CHRM3: variants seen among roughly 807,000 people sequenced by gnomAD.
CHRM3 encodes cholinergic receptor muscarinic 3.
Under a neutral mutation model 41.8 loss-of-function variants are expected in CHRM3, and 11 were observed. The observed-to-expected ratio is 0.26, with a 90% CI of 0.17 to 0.44. CHRM3 has a LOEUF of 0.44. CHRM3 is among the 20% of genes least tolerant of loss of function. The pLI is 1.00. For synonymous variants in CHRM3, 297 were observed against 301.4 expected, an observed-to-expected ratio of 0.99 and a Z score of 0.15; for missense variants, 571 against 745.4, an observed-to-expected ratio of 0.77 and a Z score of 2.72.
chr1:239,477,964 G>A (rs546254347), intron 1 of CHRM3, among the ~76,000 whole-genome samples: 1 of 152,282 alleles, frequency 6.6e-6, no homozygotes, highest in African/African-American at 2.4e-5. Flanking sequence ...ATTGAAGCTG[G>A]GGTAGTACTG....
intron 3 of CHRM3, among the ~76,000 whole-genome samples, chr1:239,622,309 C>T (rs1341218582): frequency 1.3e-5 from 2 of 152,206 alleles, no homozygotes; most frequent in African/African-American, 4.8e-5. Flanking sequence ...AATCAAGGAG[C>T]AATTTTGGCT....
At chr1:239,835,964 C>A (rs954829980) in intron 6 of CHRM3, among the ~76,000 whole-genome samples, 1 of 152,224 alleles carries the variant, frequency 6.6e-6, no homozygotes, top group African/African-American at 2.4e-5. Context: ...CATGTCCTTG[C>A]CGCTTCTTTT....
intron 2 of CHRM3, among the ~76,000 whole-genome samples, chr1:239,529,529 T>G: frequency 6.7e-6 from 1 of 149,474 alleles, no homozygotes; most frequent in East Asian, 2.0e-4. Flanking sequence ...AGAGAATCAC[T>G]TGAACCCAGG....
chr1:239,869,463 T>C (rs58274848), intron 6 of CHRM3, among the ~76,000 whole-genome samples: 7,014 of 152,194 alleles, frequency 0.046, 580 homozygotes, highest in African/African-American at 0.16. Flanking sequence ...ACATTGAATT[T>C]GTTCACCCTG....
At chr1:239,408,189 A>C (rs1467972600) in intron 1 of CHRM3, 2 of 152,146 alleles carry the variant, frequency 1.3e-5, no homozygotes, top group Non-Finnish European at 1.5e-5. Flanking sequence ...TTCATTCTGC[A>C]CGTCTCCTTG....
At chr1:239,573,067 G>A (rs1661980150) in intron 3 of CHRM3, among the ~76,000 whole-genome samples, 1 of 152,148 alleles carries the variant, frequency 6.6e-6, no homozygotes, top group African/African-American at 2.4e-5. Context: ...GTACTTAGGT[G>A]TACACATAGT....
intron 5 of CHRM3, among the ~76,000 whole-genome samples, chr1:239,739,767 A>G (rs1664684091): frequency 6.6e-6 from 1 of 152,004 alleles, no homozygotes; most frequent in Non-Finnish European, 1.5e-5. Context: ...ATATCAAAAG[A>G]CTTAGTGTCT....
intron 5 of CHRM3, among the ~76,000 whole-genome samples, chr1:239,726,047 T>C (rs2148379606): frequency 1.3e-5 from 2 of 152,076 alleles, no homozygotes; most frequent in East Asian, 3.9e-4. Context: ...AGAATTTGTA[T>C]TGGAACACAG....
rs551854878 is a variant in CHRM3, at chr1:239,565,444, G to A, written c.-313+19695G>A. On this transcript the variant is annotated intron_variant, in intron 3 of 6. Transcript: ENST00000676153. ...GTTCAGGAGGGAAGGTATTTTGGGT[G>A]AAAATAATGGCTCTTTACCCCAGAT... Among the ~76,000 whole-genome samples the A allele has an allele frequency of 4.6e-5, 7 of 152,232 alleles. 1 individual carries two copies. The South Asian group carries it at 1.5e-3, about 32-fold the overall frequency.
At chr1:239,838,026 G>A (rs1221922934) in intron 6 of CHRM3, among the ~76,000 whole-genome samples, 1 of 152,162 alleles carries the variant, frequency 6.6e-6, no homozygotes, top group African/African-American at 2.4e-5. Context: ...AAGAGAGAGA[G>A]TACTTCAAAA....
intron 1 of CHRM3, among the ~76,000 whole-genome samples, chr1:239,471,937 T>C (rs1319897502): frequency 3.9e-5 from 6 of 152,212 alleles, no homozygotes; most frequent in Non-Finnish European, 7.3e-5. Context: ...ATTATCCACG[T>C]GCTGGACTCG....
At chr1:239,407,366 G>T (rs948120232) in intron 1 of CHRM3, among the ~76,000 whole-genome samples, 4 of 145,624 alleles carry the variant, frequency 2.7e-5, no homozygotes, top group African/African-American at 9.8e-5. Context: ...GTCTGTTAAC[G>T]CCCACTACAA....
chr1:239,433,607 C>T (rs1663000062), intron 1 of CHRM3, among the ~76,000 whole-genome samples: 1 of 151,700 alleles, frequency 6.6e-6, no homozygotes, highest in Non-Finnish European at 1.5e-5. Context: ...TTAGCCCTCA[C>T]CCCCTCCCAC....
intron 5 of CHRM3, among the ~76,000 whole-genome samples, chr1:239,815,656 G>A (rs888037891): frequency 1.3e-5 from 2 of 152,160 alleles, no homozygotes; most frequent in African/African-American, 4.8e-5. Context: ...TTACCACAGG[G>A]TAGGTCTAAT....
At chr1:239,542,261 G>A (rs1365555078) in intron 2 of CHRM3, among the ~76,000 whole-genome samples, 3 of 152,012 alleles carry the variant, frequency 2.0e-5, no homozygotes, top group African/African-American at 7.2e-5. Flanking sequence ...GAGGAACTAG[G>A]GATTGGTAAG....
chr1:239,578,808 C>A (rs1034933469), intron 3 of CHRM3, among the ~76,000 whole-genome samples: 2 of 152,144 alleles, frequency 1.3e-5, no homozygotes, highest in Non-Finnish European at 2.9e-5. Context: ...ATCTCCAGGT[C>A]TCCCACTCAG....
At chr1:239,906,127 C>G (rs547802290) in intron 6 of CHRM3, among the ~76,000 whole-genome samples, 1 of 152,284 alleles carries the variant, frequency 6.6e-6, no homozygotes, top group Admixed American at 6.5e-5. Context: ...TGAACCTAGG[C>G]CTTTTGACCC....
intron 6 of CHRM3, chr1:239,886,044 T>C (rs972830017): frequency 1.3e-5 from 2 of 152,200 alleles, no homozygotes; most frequent in Admixed American, 1.3e-4. Flanking sequence ...TAATACCACA[T>C]AAGCTGCTCT....
At chr1:239,543,882 T>C (rs968162555) in intron 2 of CHRM3, among the ~76,000 whole-genome samples, 1 of 152,158 alleles carries the variant, frequency 6.6e-6, no homozygotes, top group Admixed American at 6.6e-5. Context: ...CTGTTACAAC[T>C]ACTCAACTCT....
Sources: allele counts gnomAD v4.1 joint callset (sites outside exome capture counted in the v4.1 genomes callset), GRCh38; gene constraint gnomAD v4.1.1; transcripts MANE v1.5; gene names NCBI Gene and HGNC (gene_info 2026-07-23, HGNC 2026-07-21).